Variants in RBFOX1 observed in about 807,000 individuals in gnomAD.
RBFOX1 encodes the protein RNA binding fox-1 homolog 1.
RBFOX1 carries 8 observed loss-of-function variants against 57.7 expected under a neutral mutation model. The ratio of observed to expected loss-of-function variants is 0.14; its 90% CI spans 0.08 to 0.25. RBFOX1 has a LOEUF of 0.25. Among genes scored for constraint, RBFOX1 ranks in the 10% least tolerant of loss-of-function variants. The pLI, the probability that RBFOX1 is intolerant of heterozygous loss-of-function variation, is 1.00. For missense variants in RBFOX1, 611 were observed against 548.5 expected (o/e 1.11, Z -1.14); for synonymous variants, 326 against 222.4 (o/e 1.47, Z -4.15).
intron 1 of RBFOX1, among the ~76,000 whole-genome samples, chr16:5,317,325 C>G (rs1239942006): frequency 6.6e-6 from 1 of 152,160 alleles, no homozygotes; most frequent in African/African-American, 2.4e-5. Flanking sequence ...AAACACATTC[C>G]TGGCCAGGCG....
At chr16:6,761,939 C>G (rs1313218614) in intron 3 of RBFOX1, among the ~76,000 whole-genome samples, 2 of 152,114 alleles carry the variant, frequency 1.3e-5, no homozygotes, top group Non-Finnish European at 2.9e-5. Context: ...GATCATTTAT[C>G]TCTGACATTT....
intron 4 of RBFOX1, among the ~76,000 whole-genome samples, chr16:7,496,586 C>A (rs2068712213): frequency 1.3e-5 from 2 of 152,008 alleles, no homozygotes. Context: ...CATTTCTGTA[C>A]CCCCAAAGTG....
chr16:7,145,504 G>A (rs1403647373), intron 4 of RBFOX1, among the ~76,000 whole-genome samples: 1 of 151,842 alleles, frequency 6.6e-6, no homozygotes, highest in Non-Finnish European at 1.5e-5. Context: ...ATCACACCTG[G>A]GCTTCTTCCC....
At chr16:5,811,250 C>A (rs2055419376) in intron 3 of RBFOX1, among the ~76,000 whole-genome samples, 1 of 150,512 alleles carries the variant, frequency 6.6e-6, no homozygotes, top group Non-Finnish European at 1.5e-5. Flanking sequence ...TCTTCCACCT[C>A]AGCCTCCCAA....
intron 4 of RBFOX1, among the ~76,000 whole-genome samples, chr16:5,989,877 C>CAA (rs2060360243): frequency 8.4e-6 from 1 of 118,454 alleles, no homozygotes; most frequent in Non-Finnish European, 1.8e-5. Flanking sequence ...CACACACACA[C>CAA]ACACCACCCC....
At chr16:7,329,729 G>C (rs1458737470) in intron 4 of RBFOX1, among the ~76,000 whole-genome samples, 3 of 152,156 alleles carry the variant, frequency 2.0e-5, no homozygotes, top group Non-Finnish European at 4.4e-5. Context: ...GGGAGGGACA[G>C]CCCTTATTTT....
intron 3 of RBFOX1, among the ~76,000 whole-genome samples, chr16:6,709,923 C>T (rs1345729484): frequency 6.6e-6 from 1 of 151,994 alleles, no homozygotes; most frequent in Admixed American, 6.6e-5. Context: ...CTAACGGGGC[C>T]CTTTTGAGGT....
At chr16:6,795,591 C>A (rs888571227) in intron 3 of RBFOX1, among the ~76,000 whole-genome samples, 26 of 151,894 alleles carry the variant, frequency 1.7e-4, no homozygotes, top group African/African-American at 6.3e-4. Context: ...TGTGGTGAAA[C>A]CCTGTCTCTA....
intron 14 of RBFOX1, among the ~76,000 whole-genome samples, chr16:7,701,535 C>A (rs145496266): frequency 1.1e-4 from 16 of 152,288 alleles, no homozygotes; most frequent in Non-Finnish European, 2.2e-4. Context: ...TCTCCACCTC[C>A]CTGGTCTGTG....
intron 1 of RBFOX1, among the ~76,000 whole-genome samples, chr16:6,063,269 T>C (rs1203000830): frequency 6.6e-6 from 1 of 152,034 alleles, no homozygotes; most frequent in Non-Finnish European, 1.5e-5. Context: ...ATATGCCAAC[T>C]TGCTAAGACA....
intron 3 of RBFOX1, among the ~76,000 whole-genome samples, chr16:6,811,276 G>C (rs1268879442): frequency 1.3e-5 from 2 of 152,168 alleles, no homozygotes; most frequent in Non-Finnish European, 2.9e-5. Flanking sequence ...AACAAAAGAA[G>C]AGAAATAGAA....
Position 7,121,923 on chromosome 16 carries a change from AAAT to A in RBFOX1, c.27+69826_27+69828del, listed in dbSNP as rs2067276606. Among the ~76,000 whole-genome samples, 5 of 144,642 alleles carry A rather than the reference AAAT, an allele frequency of 3.5e-5. No individual in the cohort carries two copies. In the South Asian group the frequency reaches 1.1e-3, roughly 32 times the overall value. The allele number at this position is 144,642 out of a possible 152,430, so 94.9% of individuals were successfully genotyped here. ...TAGAAAAGGTACAAAATCAAAGGAGAAATGATTTTGTTTTCAACAACTGGTGTT... is the reference window on the plus strand; with the variant it reads ...TAGAAAAGGTACAAAATCAAAGGAGAGATTTTGTTTTCAACAACTGGTGTT... On this transcript the variant is annotated intron_variant, in intron 4 of 15. Transcript: ENST00000550418.
intron 2 of RBFOX1, among the ~76,000 whole-genome samples, chr16:6,561,808 G>A (rs1451645544): frequency 6.6e-6 from 1 of 152,134 alleles, no homozygotes; most frequent in Non-Finnish European, 1.5e-5. Flanking sequence ...ATGTGTAGGG[G>A]CCAGTTTTTT....
chr16:6,034,327 T>G (rs1348282895), intron 1 of RBFOX1, among the ~76,000 whole-genome samples: 1 of 47,562 alleles, frequency 2.1e-5, no homozygotes, highest in East Asian at 5.9e-4. Context: ...GCGAGACTGT[T>G]GCGCAAAAAA....
chr16:7,029,868 C>G (rs957037969), intron 3 of RBFOX1, among the ~76,000 whole-genome samples: 2 of 152,092 alleles, frequency 1.3e-5, no homozygotes, highest in African/African-American at 4.8e-5. Flanking sequence ...ATTCTTATGT[C>G]CATTCATTGG....
At chr16:7,579,169 G>C (rs1342396830) in intron 5 of RBFOX1, among the ~76,000 whole-genome samples, 2 of 152,106 alleles carry the variant, frequency 1.3e-5, no homozygotes, top group African/African-American at 4.8e-5. Flanking sequence ...CAACTGTAGT[G>C]GACAGCAAAA....
At chr16:5,515,675 C>G (rs1301527745) in intron 2 of RBFOX1, among the ~76,000 whole-genome samples, 1 of 152,170 alleles carries the variant, frequency 6.6e-6, no homozygotes, top group Non-Finnish European at 1.5e-5. Flanking sequence ...AGGTTATTCT[C>G]ATTAAAAACC....
intron 2 of RBFOX1, among the ~76,000 whole-genome samples, chr16:5,576,624 C>G (rs2046465441): frequency 6.6e-6 from 1 of 152,198 alleles, no homozygotes; most frequent in Non-Finnish European, 1.5e-5. Flanking sequence ...GTGCCAAAGT[C>G]CATTTTCCGC....
intron 5 of RBFOX1, among the ~76,000 whole-genome samples, chr16:7,542,673 G>T (rs1310493748): frequency 7.5e-6 from 1 of 133,384 alleles, no homozygotes; most frequent in Non-Finnish European, 1.5e-5. Flanking sequence ...TGGCCAACAT[G>T]GTGAAACCCT....
Sources: gnomAD v4.1 joint callset for allele counts (sites outside exome capture counted in the v4.1 genomes callset) on GRCh38, gnomAD v4.1.1 for gene constraint, MANE v1.5 for transcripts, NCBI Gene and HGNC (gene_info 2026-07-23, HGNC 2026-07-21) for gene names.